SLIT1: variants seen among roughly 807,000 people sequenced by gnomAD.
The protein encoded by SLIT1 is slit homolog 1 protein.
A neutral mutation model predicts 186.1 loss-of-function variants in SLIT1; 66 were observed. The ratio of observed to expected loss-of-function variants is 0.35; its 90% CI spans 0.29 to 0.44. The LOEUF (loss-of-function observed/expected upper bound fraction) is 0.44, where lower values mean the gene tolerates loss of function less well. Ranked by LOEUF, SLIT1 falls within the 20% of genes least tolerant of loss-of-function variation. The pLI is 1.00. For missense variants in SLIT1, 1,638 were observed against 2,037.4 expected, an observed-to-expected ratio of 0.80 and a Z score of 3.77; for synonymous variants, 761 against 833.8, an observed-to-expected ratio of 0.91 and a Z score of 1.50.
chr10:97,111,608 C>A (rs147284797), intron 4 of SLIT1, among the ~76,000 whole-genome samples: 72 of 152,264 alleles, frequency 4.7e-4, no homozygotes, highest in African/African-American at 1.6e-3. Flanking sequence ...GGTGAATGAA[C>A]CAAAGTGCAA....
At chr10:97,169,166 G>A (rs1425165097) in intron 1 of SLIT1, among the ~76,000 whole-genome samples, 1 of 152,140 alleles carries the variant, frequency 6.6e-6, no homozygotes, top group Non-Finnish European at 1.5e-5. Context: ...TCCCCTGGGG[G>A]CCCTGCTTCT....
Position 97,000,786 on chromosome 10 carries a change from G to A in SLIT1, c.*326C>T. On this transcript the variant is annotated 3_prime_UTR_variant, in exon 37 of 37. Transcript: ENST00000266058. ...TTTCTTCTCCAGATTCAGATAGCAG[G>A]TAAGGAGGGGTGTCATCGTTCTGCA... 1 of 286,432 alleles carries A rather than the reference G, an allele frequency of 3.5e-6. No homozygotes were observed. Among genetic ancestry groups the A allele is most frequent in the Non-Finnish European group, 6.6e-6 (1 of 152,506 alleles). 17.7% of individuals were successfully genotyped at this position (286,432 alleles called of 1,614,324 possible). A position where few individuals can be genotyped will look rare whatever the true frequency, so the allele number is the denominator to read the frequency against.
chr10:97,120,728 G>A (rs1394846020), intron 4 of SLIT1, among the ~76,000 whole-genome samples: 1 of 152,120 alleles, frequency 6.6e-6, no homozygotes, highest in Non-Finnish European at 1.5e-5. Flanking sequence ...CACAGTGCTT[G>A]GCACACAGCA....
chr10:97,137,457 T>A (rs1849713639), intron 4 of SLIT1, among the ~76,000 whole-genome samples: 1 of 152,256 alleles, frequency 6.6e-6, no homozygotes, highest in South Asian at 2.1e-4. Context: ...AATTGTTTTA[T>A]TTTGTTCCCC....
intron 25 of SLIT1, among the ~76,000 whole-genome samples, chr10:97,024,381 A>G (rs941388585): frequency 2.0e-5 from 3 of 152,164 alleles, no homozygotes; most frequent in African/African-American, 7.2e-5. Context: ...GGGTCACTTC[A>G]TGTTTCAATA....
At chr10:97,155,174 A>G (rs1468954532) in intron 4 of SLIT1, 1 of 152,228 alleles carries the variant, frequency 6.6e-6, no homozygotes, top group Non-Finnish European at 1.5e-5. Flanking sequence ...TCAGACTCCT[A>G]CTAGCCCTAC....
intron 4 of SLIT1, chr10:97,154,863 G>C (rs1184929290): frequency 1.3e-5 from 2 of 152,208 alleles, no homozygotes; most frequent in East Asian, 3.8e-4. Flanking sequence ...TTAAAATATA[G>C]ATGTCCTTTC....
In SLIT1 at chr10:97,047,020, C is replaced by A; in HGVS notation, c.1680G>T (p.Met560Ile). ...NEISILEATG[M>I]FKKLTHLKKI... is the part of the protein sequence containing the mutation. ...TCTTCAGATGTGTAAGTTTTTTAAA[C>A]ATCCCAGTGGCCTCCAGGATGGAAA... Residue 560 changes from methionine (M) to isoleucine (I), a missense_variant, in exon 17 of 37, where the codon ATG becomes ATT. Met to Ile is a conservative substitution (Grantham distance 10, BLOSUM62 1). Around this residue, in one of 3 missense-constraint regions of SLIT1, gnomAD observed 1,245 missense variants for 1,535.3 expected, o/e 0.81. Transcript: ENST00000266058. 6.2e-7 allele frequency: 1 copy of A among 1,612,960 alleles called. No homozygotes were observed. Among genetic ancestry groups the A allele is most frequent in the Non-Finnish European group, 8.5e-7 (1 of 1,178,920 alleles).
At chr10:97,146,765 C>T (rs556989419) in intron 4 of SLIT1, among the ~76,000 whole-genome samples, 1 of 152,318 alleles carries the variant, frequency 6.6e-6, no homozygotes, top group Admixed American at 6.5e-5. Context: ...GCCCTGAAAT[C>T]AGACAGCAAG....
chr10:97,004,338 GA>G lies in SLIT1; in HGVS notation c.3711-117del. 9.6e-7 allele frequency: 1 copy of G among 1,040,022 alleles called. No individual in the cohort carries two copies. Among genetic ancestry groups the G allele is most frequent in the Non-Finnish European group, 1.4e-6 (1 of 702,062 alleles). The allele number at this position is 1,040,022 out of a possible 1,614,324, so 64.4% of individuals were successfully genotyped here. On this transcript the variant is annotated intron_variant, in intron 33 of 36. Transcript: ENST00000266058. The surrounding 1 kb of genome is among the most constrained non-coding windows in gnomAD (Gnocchi z 5.1). ...CTTCCCAGGAGACCAAATATCTAAG[GA>G]AAAGGACTGTGGGGGCTCAAGGGTC...
At chr10:97,180,249 C>T (rs1055459966) in intron 1 of SLIT1, among the ~76,000 whole-genome samples, 1 of 152,246 alleles carries the variant, frequency 6.6e-6, no homozygotes, top group Non-Finnish European at 1.5e-5. Flanking sequence ...AATAATACTA[C>T]CATTTATTGA....
chr10:97,088,503 G>A (rs1564672401), intron 4 of SLIT1, among the ~76,000 whole-genome samples: 1 of 152,196 alleles, frequency 6.6e-6, no homozygotes, highest in Admixed American at 6.5e-5. Context: ...ACCAGTCTGG[G>A]AATGTAAATG....
At chr10:97,112,728 G>T (rs1198121538) in intron 4 of SLIT1, among the ~76,000 whole-genome samples, 1 of 152,084 alleles carries the variant, frequency 6.6e-6, no homozygotes, top group Non-Finnish European at 1.5e-5. Flanking sequence ...TTGAGGCAGG[G>T]TCTCACTCTG....
chr10:97,031,760 C>T (rs990873866), intron 23 of SLIT1, 83 bp from the exon 24 acceptor site: 1 of 1,086,656 alleles, frequency 9.2e-7, no homozygotes, highest in Non-Finnish European at 1.3e-6. Flanking sequence ...ACGTGGAGGT[C>T]CCTCTCACCC....
In SLIT1 at chr10:97,057,424, A is replaced by G. The variant is rs115110927; in HGVS notation, c.1086-143T>C. On this transcript the variant is annotated intron_variant, in intron 11 of 36. Coordinates refer to ENST00000266058, the MANE Select transcript of SLIT1 (RefSeq NM_003061.3). ...CCTAATGGTGTATATTTGTTATAGCAACTTGTCCACAGATGACAGTAAAGT... is the reference window on the plus strand; with the variant it reads ...CCTAATGGTGTATATTTGTTATAGCGACTTGTCCACAGATGACAGTAAAGT... The G allele has an allele frequency of 1.4e-3, 866 of 627,572 alleles. 7 individuals carry two copies. The African/African-American group carries it at 0.014, about 10-fold the overall frequency. The allele number at this position is 627,572 out of a possible 1,614,324, so 38.9% of individuals were successfully genotyped here.
At chr10:97,077,026 CA>C (rs1428794753) in intron 4 of SLIT1, among the ~76,000 whole-genome samples, 5 of 152,198 alleles carry the variant, frequency 3.3e-5, no homozygotes, top group African/African-American at 9.6e-5. Flanking sequence ...AGCACTTTGG[CA>C]GGCTGAGGTG....
At chr10:97,137,822 G>C (rs1361117722) in intron 4 of SLIT1, among the ~76,000 whole-genome samples, 3 of 152,154 alleles carry the variant, frequency 2.0e-5, no homozygotes, top group Non-Finnish European at 4.4e-5. Context: ...TTTCTTGATG[G>C]TTTACCACAT....
chr10:97,025,592 G>C (rs1408289239), intron 25 of SLIT1, among the ~76,000 whole-genome samples: 1 of 152,142 alleles, frequency 6.6e-6, no homozygotes, highest in Non-Finnish European at 1.5e-5. Context: ...CAGAGCCAAG[G>C]CCCGACTGAG....
chr10:97,099,028 G>A (rs1024984121), intron 4 of SLIT1, among the ~76,000 whole-genome samples: 1 of 152,160 alleles, frequency 6.6e-6, no homozygotes, highest in Non-Finnish European at 1.5e-5. Flanking sequence ...GACCAAGGGA[G>A]CGAGCGTGTG....
Sources: allele counts gnomAD v4.1 joint callset (sites outside exome capture counted in the v4.1 genomes callset), GRCh38; gene constraint gnomAD v4.1.1; regional missense constraint gnomAD v4.1.1; non-coding constraint Gnocchi (gnomAD v3.1); transcripts MANE v1.5; gene names NCBI Gene and HGNC (gene_info 2026-07-23, HGNC 2026-07-21).